EFNB2: variants seen among roughly 807,000 people sequenced by gnomAD.
EFNB2 encodes the protein ephrin B2.
Under a neutral mutation model 32.1 loss-of-function variants are expected in EFNB2, and 5 were observed. The ratio of observed to expected loss-of-function variants is 0.16; its 90% CI spans 0.08 to 0.33. EFNB2 has a LOEUF of 0.33. EFNB2 is among the 10% of genes least tolerant of loss of function. The pLI is 1.00. For synonymous variants in EFNB2, 168 were observed against 166.5 expected (o/e 1.01, Z -0.07); for missense variants, 263 against 422.6 (o/e 0.62, Z 3.31).
intron 1 of EFNB2, among the ~76,000 whole-genome samples, chr13:106,530,507 G>A (rs959280821): frequency 6.6e-6 from 1 of 152,190 alleles, no homozygotes; most frequent in African/African-American, 2.4e-5. Context: ...TAGGCTGATA[G>A]GAGGACCAGT....
At chr13:106,532,897 T>C (rs1224942394) in intron 1 of EFNB2, among the ~76,000 whole-genome samples, 1 of 151,852 alleles carries the variant, frequency 6.6e-6, no homozygotes, top group Non-Finnish European at 1.5e-5. Flanking sequence ...AAAGAAGTTA[T>C]TAACGTCTAA....
intron 1 of EFNB2, among the ~76,000 whole-genome samples, 162 bp from the exon 2 acceptor site, chr13:106,512,974 T>C (rs934044576): frequency 6.6e-6 from 1 of 152,164 alleles, no homozygotes; most frequent in Non-Finnish European, 1.5e-5. Context: ...ATGGGATGAA[T>C]GTATTTTGGA....
rs571920796 is a variant in EFNB2 at position 106,523,954 on chromosome 13, C to T, written c.122+10889G>A. Among the ~76,000 whole-genome samples, 549 of 152,274 alleles carry T rather than the reference C, an allele frequency of 3.6e-3. 4 individuals are homozygous for T. The highest frequency in any genetic ancestry group is 0.013 in the African/African-American group (527 of 41,570). ...GATCTCCCCTCAAAAATCTGACCTC[C>T]TTTTCTCCCAACAAGGAACAATCAA... On this transcript the variant is annotated intron_variant, in intron 1 of 4. Transcript: ENST00000646441.
chr13:106,493,007 T>C lies in EFNB2; in HGVS notation c.*33A>G, dbSNP rs751647102. On this transcript the variant is annotated 3_prime_UTR_variant, in exon 5 of 5. Transcript: ENST00000646441. The surrounding 1 kb of genome is among the most constrained non-coding windows in gnomAD (Gnocchi z 6.1). ...GGAGGCATCGGGACATTAGGTGTCC[T>C]CTGGGAAAGCACAGGTACCACCAGG... The C allele has an allele frequency of 1.7e-5, 26 of 1,572,164 alleles. No homozygotes were observed. The highest frequency in any genetic ancestry group is 1.0e-4 in the Admixed American group (6 of 58,218).
intron 1 of EFNB2, among the ~76,000 whole-genome samples, chr13:106,533,130 C>G (rs1185193961): frequency 6.6e-6 from 1 of 151,040 alleles, no homozygotes; most frequent in African/African-American, 2.4e-5. Flanking sequence ...CAAAGAGAAC[C>G]GGTCAGTGAA....
chr13:106,523,454 A>G (rs1879601544), intron 1 of EFNB2, among the ~76,000 whole-genome samples: 1 of 152,192 alleles, frequency 6.6e-6, no homozygotes, highest in Non-Finnish European at 1.5e-5. Context: ...AGCTACTGAG[A>G]ACTGCATGAA....
intron 2 of EFNB2, among the ~76,000 whole-genome samples, chr13:106,505,230 C>T (rs1471828507): frequency 1.3e-5 from 2 of 152,220 alleles, no homozygotes; most frequent in African/African-American, 4.8e-5. Flanking sequence ...GTATACTCTG[C>T]TGTCTCTACA....
chr13:106,515,916 C>G (rs1277382881), intron 1 of EFNB2, among the ~76,000 whole-genome samples: 1 of 152,114 alleles, frequency 6.6e-6, no homozygotes, highest in Non-Finnish European at 1.5e-5. Flanking sequence ...TTATGAGTGA[C>G]AGAAAAGTGG....
rs111930985 is a variant in EFNB2, at chr13:106,502,071, G to A, written c.407-6231C>T. Among the ~76,000 whole-genome samples the A allele has an allele frequency of 5.4e-3, 824 of 152,220 alleles. 9 individuals carry two copies. Among genetic ancestry groups the A allele is most frequent in the African/African-American group, 0.018 (744 of 41,526 alleles). ...TGTAGGATGTGTGAGTTTTTCACCCGTGAAAATATCGTTCAATATGATAGG... is the reference window on the plus strand; with the variant it reads ...TGTAGGATGTGTGAGTTTTTCACCCATGAAAATATCGTTCAATATGATAGG... On this transcript the variant is annotated intron_variant, in intron 2 of 4. Transcript: ENST00000646441.
Position 106,512,548 on chromosome 13 carries a change from G to A in EFNB2, c.387C>T (p.Asn129=). 1.2e-6 allele frequency: 2 copies of A among 1,603,844 alleles called. No homozygotes were observed. The highest frequency in any genetic ancestry group is 1.7e-4 in the Middle Eastern group (1 of 6,014). Residue 129 remains asparagine, a synonymous_variant, in exon 2 of 5, where the codon AAC becomes AAT. Coordinates refer to ENST00000646441, the MANE Select transcript of EFNB2 (RefSeq NM_004093.4). ...ACTTACATATAATGTAATAATCTTTGTTCTTCTGAAATTCTAGACCCCAGA... is the reference window on the plus strand; with the variant it reads ...ACTTACATATAATGTAATAATCTTTATTCTTCTGAAATTCTAGACCCCAGA... The part of the protein sequence containing the change: ...PNLWGLEFQK[N]KDYYIISTSN...
chr13:106,507,491 C>T (rs1180278188), intron 2 of EFNB2, among the ~76,000 whole-genome samples: 1 of 152,058 alleles, frequency 6.6e-6, no homozygotes, highest in African/African-American at 2.4e-5. Context: ...TGCTTTGATT[C>T]TTTAAGAATA....
At position 106,511,923 on chromosome 13, in the gene EFNB2, A is replaced by G. The variant is rs545902313; in HGVS notation, c.406+606T>C. Among the ~76,000 whole-genome samples, 4 of 152,264 alleles carry G rather than the reference A, an allele frequency of 2.6e-5. No homozygotes were observed. The East Asian group carries it at 7.7e-4, about 29-fold the overall frequency. On this transcript the variant is annotated intron_variant, in intron 2 of 4. Coordinates refer to ENST00000646441, the MANE Select transcript of EFNB2 (RefSeq NM_004093.4). ...TCTTCTTGAAACAGCGTGTCAAATT[A>G]TATATATGTATGCAAAAAAGAGTAA... is the stretch of plus-strand genomic sequence containing the variant.
At chr13:106,506,310 C>G (rs1228972210) in intron 2 of EFNB2, 1 of 152,126 alleles carries the variant, frequency 6.6e-6, no homozygotes, top group Admixed American at 6.5e-5. Flanking sequence ...TAAAGAGACA[C>G]TATTTTCATT....
chr13:106,510,612 A>AC (rs1329808428), intron 2 of EFNB2, among the ~76,000 whole-genome samples: 1 of 150,722 alleles, frequency 6.6e-6, no homozygotes, highest in East Asian at 1.9e-4. Flanking sequence ...TCTTTCTCCC[A>AC]CCCCACCTAG....
chr13:106,530,152 A>AT (rs1411160490), intron 1 of EFNB2, among the ~76,000 whole-genome samples: 1 of 152,162 alleles, frequency 6.6e-6, no homozygotes, highest in East Asian at 1.9e-4. Flanking sequence ...CTTTGGCTTT[A>AT]TAGAGACAAT....
In EFNB2 at chr13:106,493,130, G is replaced by A. The variant is rs368022759; in HGVS notation, c.912C>T (p.Tyr304=). The A allele has an allele frequency of 3.7e-6, 6 of 1,614,070 alleles. No homozygotes were observed. The highest frequency in any genetic ancestry group is 2.2e-5 in the East Asian group (1 of 44,876). The change falls in exon 5 of 5, where the codon TAC becomes TAT. Residue 304 remains tyrosine, a synonymous_variant. Coordinates refer to ENST00000646441, the MANE Select transcript of EFNB2 (RefSeq NM_004093.4). This position sits in a 1 kb window ranked among gnomAD's most constrained non-coding sequence, Gnocchi z 6.1. The stretch of plus-strand genomic sequence containing the variant: ...GCCCGTAGTCCCCGCTGACCTTCTC[G>A]TAGTGAGGGCAGAAGACGCTGTCCG... ...RTADSVFCPH[Y]EKVSGDYGHP...
Position 106,528,035 on chromosome 13 carries a change from A to C in EFNB2, c.122+6808T>G, listed in dbSNP as rs534107218. Among the ~76,000 whole-genome samples the C allele has an allele frequency of 1.1e-4, 17 of 152,334 alleles. No homozygotes were observed. The South Asian group carries it at 3.3e-3, about 30-fold the overall frequency. On this transcript the variant is annotated intron_variant, in intron 1 of 4. Coordinates refer to ENST00000646441, the MANE Select transcript of EFNB2 (RefSeq NM_004093.4). Reference sequence around the variant, plus strand: ...TTCCCTGTTAACAAGCAAATACTTTAGTTGAATGGGCCATTAGCAATCACT... The same window carrying C: ...TTCCCTGTTAACAAGCAAATACTTTCGTTGAATGGGCCATTAGCAATCACT...
At chr13:106,522,522 G>A (rs538720052) in intron 1 of EFNB2, among the ~76,000 whole-genome samples, 1 of 152,306 alleles carries the variant, frequency 6.6e-6, no homozygotes, top group African/African-American at 2.4e-5. Flanking sequence ...TCGCGGAGAT[G>A]AAAGGCTCAC....
At chr13:106,510,969 A>G (rs149923586) in intron 2 of EFNB2, among the ~76,000 whole-genome samples, 1,855 of 152,346 alleles carry the variant, frequency 0.012, 37 homozygotes, top group African/African-American at 0.043. Context: ...ACTGCACTCC[A>G]GCCTGACGAA....
Sources: gnomAD v4.1 joint callset for allele counts (sites outside exome capture counted in the v4.1 genomes callset) on GRCh38, gnomAD v4.1.1 for gene constraint, Gnocchi (gnomAD v3.1) non-coding constraint, MANE v1.5 for transcripts, NCBI Gene and HGNC (gene_info 2026-07-23, HGNC 2026-07-21) for gene names.